TPRG1: variants seen among roughly 807,000 people sequenced by gnomAD.
TPRG1 encodes tumor protein p63 regulated 1, also known as tumor protein p63-regulated gene 1 protein.
Under a neutral mutation model 29.3 loss-of-function variants are expected in TPRG1, and 29 were observed. That is an observed-to-expected ratio of 0.99 (90% CI 0.74 to 1.35). The LOEUF is 1.35. TPRG1 is among the 40% of genes most tolerant of loss of function. TPRG1 has a pLI of 0.00. For synonymous variants in TPRG1, 130 were observed against 116.8 expected (o/e 1.11, Z -0.73); for missense variants, 327 against 335.0 (o/e 0.98, Z 0.19).
intron 4 of TPRG1, among the ~76,000 whole-genome samples, chr3:189,068,560 A>G: frequency 6.6e-6 from 1 of 152,188 alleles, no homozygotes; most frequent in East Asian, 1.9e-4. Context: ...GTGGATCACT[A>G]GGTCAAGCGT....
chr3:189,203,409 A>G (rs932707218), intron 1 of TPRG1, among the ~76,000 whole-genome samples: 1 of 152,132 alleles, frequency 6.6e-6, no homozygotes, highest in Non-Finnish European at 1.5e-5. Flanking sequence ...TTGACGCACA[A>G]TCCACTACTT....
intron 3 of TPRG1, among the ~76,000 whole-genome samples, chr3:189,023,394 C>T (rs531645258): frequency 1.3e-5 from 2 of 152,320 alleles, no homozygotes; most frequent in East Asian, 3.9e-4. Context: ...CTGTCAGCTT[C>T]TGCATTGTTT....
chr3:189,103,508 C>T (rs1332900403), intron 1 of TPRG1, among the ~76,000 whole-genome samples: 5 of 152,146 alleles, frequency 3.3e-5, no homozygotes, highest in African/African-American at 4.8e-5. Flanking sequence ...CCCTACACCA[C>T]GGACAATCAT....
chr3:189,011,859 G>A (rs1294255572), intron 3 of TPRG1, among the ~76,000 whole-genome samples: 2 of 152,146 alleles, frequency 1.3e-5, no homozygotes, highest in Non-Finnish European at 2.9e-5. Flanking sequence ...TTCCTTGTTA[G>A]CTGTATTCCT....
intron 3 of TPRG1, among the ~76,000 whole-genome samples, chr3:189,216,276 C>T (rs572410954): frequency 3.7e-4 from 57 of 152,202 alleles, no homozygotes; most frequent in Non-Finnish European, 7.4e-4. Flanking sequence ...ATTCCTATAC[C>T]TTGAGTAAAT....
chr3:189,294,997 A>G (rs1200160965), intron 4 of TPRG1, among the ~76,000 whole-genome samples: 1 of 152,184 alleles, frequency 6.6e-6, no homozygotes, highest in Non-Finnish European at 1.5e-5. Flanking sequence ...CTAATTATTT[A>G]CCTCACCTAC....
At chr3:189,078,101 CTTTCTT>C (rs60410898) in intron 4 of TPRG1, among the ~76,000 whole-genome samples, 3,403 of 124,142 alleles carry the variant, frequency 0.027, 189 homozygotes, top group East Asian at 0.18. Context: ...CTCTTTCTTT[CTTTCTT>C]TCTTTCTTTC....
chr3:189,254,670 ATTTG>A (rs1711520959), intron 4 of TPRG1, among the ~76,000 whole-genome samples: 1 of 152,080 alleles, frequency 6.6e-6, no homozygotes, highest in Non-Finnish European at 1.5e-5. Context: ...ATGTTTTTCC[ATTTG>A]TTTGTGTCCT....
intron 1 of TPRG1, among the ~76,000 whole-genome samples, chr3:189,196,915 A>T (rs1732629951): frequency 6.6e-6 from 1 of 152,192 alleles, no homozygotes; most frequent in Non-Finnish European, 1.5e-5. Context: ...TATAAAATCG[A>T]TGTGTAAAAA....
At position 189,265,067 on chromosome 3, in the gene TPRG1, C is replaced by G. The variant is rs76749024; in HGVS notation, c.479+26158C>G. Among the ~76,000 whole-genome samples, 614 of 152,290 alleles carry G rather than the reference C, an allele frequency of 4.0e-3. 3 individuals carry two copies. Among genetic ancestry groups the G allele is most frequent in the African/African-American group, 0.014 (564 of 41,556 alleles). On this transcript the variant is annotated intron_variant, in intron 4 of 5. Transcript: ENST00000345063. ...ATTCAAAAATTTGAAATGTATGAAT[C>G]TAGAAAGAAGCCATTTGAATTTTGA...
intron 1 of TPRG1, among the ~76,000 whole-genome samples, chr3:189,206,689 C>G (rs1439742637): frequency 6.6e-6 from 1 of 151,770 alleles, no homozygotes; most frequent in South Asian, 2.1e-4. Flanking sequence ...TTTGTAGAGA[C>G]TGGGTTTCGC....
intron 4 of TPRG1, among the ~76,000 whole-genome samples, chr3:189,059,973 C>A (rs1715993861): frequency 6.6e-6 from 1 of 152,222 alleles, no homozygotes; most frequent in South Asian, 2.1e-4. Context: ...TGGCTTACGC[C>A]TGTAAGCCCA....
chr3:189,074,494 GC>G (rs1294859443), intron 4 of TPRG1, among the ~76,000 whole-genome samples: 2 of 151,840 alleles, frequency 1.3e-5, no homozygotes, highest in Non-Finnish European at 2.9e-5. Context: ...GTGAGCCACC[GC>G]GCCCGGCCCA....
intron 4 of TPRG1, among the ~76,000 whole-genome samples, chr3:189,240,912 G>A (rs997086273): frequency 6.6e-6 from 1 of 152,100 alleles, no homozygotes; most frequent in African/African-American, 2.4e-5. Context: ...GATATAACTT[G>A]GAGGTTTATA....
chr3:189,009,895 A>T (rs1578186648), intron 3 of TPRG1, among the ~76,000 whole-genome samples: 1 of 151,584 alleles, frequency 6.6e-6, no homozygotes, highest in African/African-American at 2.4e-5. Context: ...TCATCCCATC[A>T]CCCAGGTATC....
chr3:189,114,157 A>G (rs1039221339), intron 1 of TPRG1, among the ~76,000 whole-genome samples: 2 of 152,146 alleles, frequency 1.3e-5, no homozygotes, highest in African/African-American at 2.4e-5. Context: ...TTTGAGGATA[A>G]CTAGTGAATG....
At chr3:189,140,574 C>T (rs970855733) in intron 3 of TPRG1, among the ~76,000 whole-genome samples, 1 of 152,168 alleles carries the variant, frequency 6.6e-6, no homozygotes. Flanking sequence ...TCTTGTCTTG[C>T]ACCCCGCTGG....
chr3:189,084,018 G>A (rs967193506), intron 4 of TPRG1, among the ~76,000 whole-genome samples: 1 of 152,138 alleles, frequency 6.6e-6, no homozygotes, highest in African/African-American at 2.4e-5. Flanking sequence ...GGGCGTGGTG[G>A]CACATGCCTG....
At chr3:189,083,411 C>T (rs1385501453) in intron 4 of TPRG1, among the ~76,000 whole-genome samples, 1 of 152,214 alleles carries the variant, frequency 6.6e-6, no homozygotes, top group East Asian at 1.9e-4. Context: ...CTTATGCATA[C>T]TCTATCTGAT....
Sources: allele counts gnomAD v4.1 joint callset (sites outside exome capture counted in the v4.1 genomes callset), GRCh38; gene constraint gnomAD v4.1.1; transcripts MANE v1.5; gene names NCBI Gene and HGNC (gene_info 2026-07-23, HGNC 2026-07-21).